Variants in EIF3L observed in about 807,000 individuals in gnomAD.
EIF3L encodes the protein eIEF associated protein HSPC021.
A neutral mutation model predicts 74.6 loss-of-function variants in EIF3L; 32 were observed. That is an observed-to-expected ratio of 0.43 (90% CI 0.32 to 0.58). EIF3L has a LOEUF of 0.58. Ranked by LOEUF, EIF3L falls within the 20% of genes least tolerant of loss-of-function variation. The pLI is 0.06. For missense variants in EIF3L, 474 were observed against 707.8 expected (o/e 0.67, Z 3.75); for synonymous variants, 256 against 254.4 (o/e 1.01, Z -0.06).
chr22:37,858,601 C>A (rs966281280), intron 4 of EIF3L, 78 bp from the exon 5 acceptor site: 6 of 1,291,918 alleles, frequency 4.6e-6, no homozygotes, highest in Non-Finnish European at 6.6e-6. Context: ...ACCTTTATTC[C>A]TCCCCACCAA....
At chr22:37,861,099 C>A (rs1196203794) in intron 5 of EIF3L, among the ~76,000 whole-genome samples, 3 of 152,138 alleles carry the variant, frequency 2.0e-5, no homozygotes. Flanking sequence ...CCAATATAAT[C>A]CAGTGCCTAG....
At position 37,888,588 on chromosome 22, in the gene EIF3L, G is replaced by A. The variant is rs921114260; in HGVS notation, c.*124G>A. ...CAACTCAGTTAACAAGTTAAGGACC[G>A]AAGTGTTTCAAGTGGATCTCAGTAA... On this transcript the variant is annotated 3_prime_UTR_variant, in exon 13 of 13. Coordinates refer to ENST00000652021, the MANE Select transcript of EIF3L (RefSeq NM_016091.4). 35 of 1,008,252 alleles carry A rather than the reference G, an allele frequency of 3.5e-5. No homozygotes were observed. The highest frequency in any genetic ancestry group is 2.9e-4 in the African/African-American group (18 of 62,396). The allele number at this position is 1,008,252 out of a possible 1,614,324, so 62.5% of individuals were successfully genotyped here.
In EIF3L at chr22:37,888,487, AC is replaced by A. The variant is rs765091269; in HGVS notation, c.*25del. ...TGATGATATTCACACACATTCAGGA[AC>A]CTGTTTTGATGTATTATAGGCAGGA... On this transcript the variant is annotated 3_prime_UTR_variant, in exon 13 of 13. Transcript: ENST00000652021. The A allele has an allele frequency of 1.9e-6, 3 of 1,612,506 alleles. No homozygotes were observed. Among genetic ancestry groups the A allele is most frequent in the Admixed American group, 1.7e-5 (1 of 59,978 alleles).
intron 7 of EIF3L, among the ~76,000 whole-genome samples, chr22:37,868,008 TATTA>T (rs1926251476): frequency 6.6e-6 from 1 of 151,314 alleles, no homozygotes; most frequent in East Asian, 1.9e-4. Flanking sequence ...TGATTTCCCA[TATTA>T]ATTGTCAATT....
chr22:37,849,755 G>C (rs866938015), intron 1 of EIF3L: 1 of 601,474 alleles, frequency 1.7e-6, no homozygotes, highest in South Asian at 2.1e-5. Flanking sequence ...GAGTTTTTTT[G>C]GTCTAGGCTC....
chr22:37,864,407 T>A (rs894452887), intron 7 of EIF3L, among the ~76,000 whole-genome samples: 1 of 152,108 alleles, frequency 6.6e-6, no homozygotes, highest in Non-Finnish European at 1.5e-5. Context: ...AACATTTTCA[T>A]CACAACAAGA....
At chr22:37,888,341 G>A in intron 12 of EIF3L, 85 bp from the exon 13 acceptor site, 1 of 1,448,922 alleles carries the variant, frequency 6.9e-7, no homozygotes, top group Non-Finnish European at 9.6e-7. Context: ...GGGGCAGCTG[G>A]GAATCTGACC....
chr22:37,850,428 C>T (rs750444101), intron 2 of EIF3L: 3 of 234,106 alleles, frequency 1.3e-5, no homozygotes, highest in Non-Finnish European at 1.8e-5. Context: ...CCGCGTCCCT[C>T]GTTCAAGCAG....
At chr22:37,878,257 G>A in intron 11 of EIF3L, 86 bp downstream of exon 11, 1 of 1,482,398 alleles carries the variant, frequency 6.7e-7, no homozygotes. Context: ...GTATATCGGG[G>A]AACAAAAAGA....
At chr22:37,849,862 C>G in intron 1 of EIF3L, 153 bp from the exon 2 acceptor site, 1 of 789,088 alleles carries the variant, frequency 1.3e-6, no homozygotes. Flanking sequence ...TTTACTGTCC[C>G]TTTTCTCTAA....
intron 3 of EIF3L, among the ~76,000 whole-genome samples, chr22:37,852,053 G>A (rs891178084): frequency 2.6e-5 from 4 of 151,796 alleles, no homozygotes; most frequent in Non-Finnish European, 4.4e-5. Flanking sequence ...ATGTACCCCC[G>A]TTGGCCTCCC....
chr22:37,876,019 G>C lies in EIF3L; in HGVS notation c.1077+8G>C. 1 of 1,608,508 alleles carries C rather than the reference G, an allele frequency of 6.2e-7. No individual in the cohort carries two copies. On this transcript the variant is annotated splice_region_variant and intron_variant, in intron 10 of 12. Transcript: ENST00000652021. ...ACGTACAAGTATGAGATGGTAAGGGGGACTCTGCCTGCCACCAGTGGCCTT... is the reference window on the plus strand; with the variant it reads ...ACGTACAAGTATGAGATGGTAAGGGCGACTCTGCCTGCCACCAGTGGCCTT...
chr22:37,859,365 G>T (rs1456045613), intron 5 of EIF3L, among the ~76,000 whole-genome samples: 1 of 99,244 alleles, frequency 1.0e-5, no homozygotes, highest in Non-Finnish European at 1.9e-5. Flanking sequence ...TATAGAGTAC[G>T]TGAAGTTTCT....
chr22:37,872,893 T>A (rs1926548749), intron 8 of EIF3L, among the ~76,000 whole-genome samples: 1 of 152,170 alleles, frequency 6.6e-6, no homozygotes, highest in South Asian at 2.1e-4. Flanking sequence ...ACCTTTGAAC[T>A]GTTTTATAGG....
At chr22:37,884,638 T>C (rs1259197210) in intron 11 of EIF3L, 1 of 152,154 alleles carries the variant, frequency 6.6e-6, no homozygotes, top group Non-Finnish European at 1.5e-5. Flanking sequence ...ATCATGCTTT[T>C]ATAAATCAAA....
In EIF3L at chr22:37,860,235, G is replaced by A. The variant is rs1015381141; in HGVS notation, c.435+1495G>A. On this transcript the variant is annotated intron_variant, in intron 5 of 12. Coordinates refer to ENST00000652021, the MANE Select transcript of EIF3L (RefSeq NM_016091.4). ...GGTAATCATCTCAATAAATGCTACC[G>A]TTTATTACCAAGTTAATTGGACTAA... Among the ~76,000 whole-genome samples, 11 of 152,170 alleles carry A rather than the reference G, an allele frequency of 7.2e-5. No homozygotes were observed. In the South Asian group the frequency reaches 1.0e-3, roughly 14 times the overall value.
At chr22:37,871,916 A>G (rs1213849214) in intron 8 of EIF3L, among the ~76,000 whole-genome samples, 5 of 151,546 alleles carry the variant, frequency 3.3e-5, no homozygotes, top group African/African-American at 1.2e-4. Flanking sequence ...GCATATGCAG[A>G]TATTAAAAAT....
chr22:37,886,052 G>T, intron 11 of EIF3L: 1 of 151,974 alleles, frequency 6.6e-6, no homozygotes, highest in Non-Finnish European at 1.5e-5. Context: ...AAATTAGCCA[G>T]GCATGGTGGC....
At chr22:37,861,918 T>G (rs1925879239) in intron 5 of EIF3L, among the ~76,000 whole-genome samples, 1 of 152,228 alleles carries the variant, frequency 6.6e-6, no homozygotes, top group African/African-American at 2.4e-5. Flanking sequence ...CCAGGACTCC[T>G]ACATAAATGA....
Sources: gnomAD v4.1 joint callset for allele counts (sites outside exome capture counted in the v4.1 genomes callset) on GRCh38, gnomAD v4.1.1 for gene constraint, MANE v1.5 for transcripts, NCBI Gene and HGNC (gene_info 2026-07-23, HGNC 2026-07-21) for gene names.